Variants in GRIK1 observed in about 807,000 individuals in gnomAD.
GRIK1 encodes the protein glutamate receptor ionotropic, kainate 1.
A neutral mutation model predicts 105.7 loss-of-function variants in GRIK1; 69 were observed. That is an observed-to-expected ratio of 0.65 (90% CI 0.54 to 0.80). The LOEUF is 0.80. GRIK1 is among the 30% of genes least tolerant of loss of function. The probability of loss-of-function intolerance (pLI) is 0.00; values close to 1 mark genes in which losing one functional copy is unlikely to be tolerated. For synonymous variants in GRIK1, 438 were observed against 431.3 expected (o/e 1.02, Z -0.19); for missense variants, 1,109 against 1,167.3 (o/e 0.95, Z 0.73).
chr21:29,563,071 CATT>C (rs1222615214), intron 14 of GRIK1, among the ~76,000 whole-genome samples: 1 of 151,846 alleles, frequency 6.6e-6, no homozygotes, highest in African/African-American at 2.4e-5. Context: ...AGATGAAAAA[CATT>C]ATGGGAATTA....
At position 29,537,353 on chromosome 21, in the gene GRIK1, C is replaced by T. The variant is rs2089895854; in HGVS notation, c.2727G>A (p.Leu909=). The change falls in exon 18 of 18, where the codon CTG becomes CTA. Residue 909 remains leucine (L), a synonymous_variant. Coordinates refer to ENST00000327783, the MANE Select transcript of GRIK1 (RefSeq NM_001330994.2). ...CLSFNAIMEE[L]GISLKNQKKI... is the part of the protein sequence containing the mutation. Reference sequence around the variant, plus strand: ...TTTTCTGATTCTTCAGTGAGATTCCCAGTTCTTCCATGATAGCGTTGAAAG... The same window carrying T: ...TTTTCTGATTCTTCAGTGAGATTCCTAGTTCTTCCATGATAGCGTTGAAAG... 1 of 1,610,810 alleles carries T rather than the reference C, an allele frequency of 6.2e-7. No individual in the cohort carries two copies. Among genetic ancestry groups the T allele is most frequent in the Non-Finnish European group, 8.5e-7 (1 of 1,178,124 alleles).
rs190802047 is a variant in GRIK1 at position 29,642,029 on chromosome 21, T to G, written c.1098+797A>C. Among the ~76,000 whole-genome samples, 36 of 152,296 alleles carry G rather than the reference T, an allele frequency of 2.4e-4. 1 individual carries two copies. In the East Asian group the frequency reaches 6.2e-3, roughly 26 times the overall value. ...AATGTCTGTATCCCATAGAGAAATA[T>G]TAGAATAGCATCTCAGAGCATTGCG... On this transcript the variant is annotated intron_variant, in intron 7 of 17. Transcript: ENST00000327783.
At chr21:29,634,183 C>T (rs143513094) in intron 7 of GRIK1, among the ~76,000 whole-genome samples, 19 of 152,298 alleles carry the variant, frequency 1.2e-4, no homozygotes, top group African/African-American at 4.6e-4. Context: ...ATATTAAGCA[C>T]AGGTAGGTGC....
chr21:29,716,811 T>C (rs1350955447), intron 1 of GRIK1, among the ~76,000 whole-genome samples: 1 of 152,158 alleles, frequency 6.6e-6, no homozygotes, highest in African/African-American at 2.4e-5. Context: ...CTGCAGAAAT[T>C]TGAATCAGTA....
chr21:29,855,088 C>T (rs1237728266), intron 1 of GRIK1, among the ~76,000 whole-genome samples: 1 of 152,168 alleles, frequency 6.6e-6, no homozygotes, highest in Non-Finnish European at 1.5e-5. Context: ...TGAACTTGGG[C>T]TCTAGATCTG....
rs762792023 is a variant in GRIK1, at chr21:29,596,544, C to T, written c.1233G>A (p.Leu411=). The T allele has an allele frequency of 6.2e-7, 1 of 1,608,892 alleles. No homozygotes were observed. The highest frequency in any genetic ancestry group is 1.7e-5 in the Admixed American group (1 of 60,014). ...TACAAACCTTCTTCCACACTTTATA[C>T]AAGTGTTTAGACACTTCGCCAGCAG... ...EKAAGEVSKH[L]YKVWKKIGIW... is the part of the protein sequence containing the mutation. The change falls in exon 9 of 18, where the codon TTG becomes TTA. Residue 411 remains leucine (L), a synonymous_variant. Coordinates refer to ENST00000327783, the MANE Select transcript of GRIK1 (RefSeq NM_001330994.2).
intron 3 of GRIK1, among the ~76,000 whole-genome samples, chr21:29,677,465 T>A (rs537765260): frequency 6.6e-6 from 1 of 152,250 alleles, no homozygotes; most frequent in East Asian, 1.9e-4. Flanking sequence ...AAATGGCCAA[T>A]TCTAAACACT....
At chr21:29,622,081 G>C (rs1282607623) in intron 7 of GRIK1, among the ~76,000 whole-genome samples, 1 of 151,882 alleles carries the variant, frequency 6.6e-6, no homozygotes, top group Non-Finnish European at 1.5e-5. Context: ...TGAGTAGCTG[G>C]GATTACAGGT....
chr21:29,728,670 C>T (rs897708110), intron 1 of GRIK1, among the ~76,000 whole-genome samples: 3 of 152,182 alleles, frequency 2.0e-5, no homozygotes, highest in Middle Eastern at 3.2e-3. Flanking sequence ...AACTGATGGA[C>T]GTTCACCATG....
rs554442415 is a variant in GRIK1, at chr21:29,576,046, T to C, written c.2130+918A>G. Among the ~76,000 whole-genome samples, 159 of 152,120 alleles carry C rather than the reference T, an allele frequency of 1.0e-3. 5 individuals are homozygous for C. In the South Asian group the frequency reaches 0.027, roughly 26 times the overall value. On this transcript the variant is annotated intron_variant, in intron 14 of 17. Coordinates refer to ENST00000327783, the MANE Select transcript of GRIK1 (RefSeq NM_001330994.2). Reference sequence around the variant, plus strand: ...TTACCACCATTAATACTTTTTTTTTTCCCAAAAAAAACTTTAGCCCCTTCT... The same window carrying C: ...TTACCACCATTAATACTTTTTTTTTCCCCAAAAAAAACTTTAGCCCCTTCT...
chr21:29,702,721 C>A (rs2063836036), intron 1 of GRIK1, among the ~76,000 whole-genome samples: 1 of 152,030 alleles, frequency 6.6e-6, no homozygotes, highest in South Asian at 2.1e-4. Flanking sequence ...AAAAAACAAA[C>A]AAGAAAACAA....
chr21:29,798,723 C>T (rs984173100), intron 1 of GRIK1, among the ~76,000 whole-genome samples: 1 of 152,170 alleles, frequency 6.6e-6, no homozygotes, highest in East Asian at 1.9e-4. Flanking sequence ...CCAAATACTC[C>T]TCGGCATGTC....
chr21:29,675,738 C>A (rs1302534058), intron 3 of GRIK1, among the ~76,000 whole-genome samples: 1 of 152,118 alleles, frequency 6.6e-6, no homozygotes, highest in African/African-American at 2.4e-5. Context: ...TCAATTACCA[C>A]TTAATTTTAC....
At chr21:29,890,783 G>A (rs796197650) in intron 1 of GRIK1, among the ~76,000 whole-genome samples, 4 of 152,030 alleles carry the variant, frequency 2.6e-5, no homozygotes, top group Non-Finnish European at 4.4e-5. Context: ...ACATAGACAC[G>A]CACACTCATA....
chr21:29,571,372 A>T (rs1365570284), intron 14 of GRIK1, among the ~76,000 whole-genome samples: 1 of 152,096 alleles, frequency 6.6e-6, no homozygotes, highest in Non-Finnish European at 1.5e-5. Flanking sequence ...AAAGAAAAAA[A>T]AAATTCCACT....
At chr21:29,905,530 C>T (rs1039390367) in intron 1 of GRIK1, among the ~76,000 whole-genome samples, 3 of 151,234 alleles carry the variant, frequency 2.0e-5, no homozygotes, top group Admixed American at 1.3e-4. Flanking sequence ...TCTGCAACCT[C>T]CGTCTCCTGG....
At chr21:29,685,750 A>G (rs2063475741) in intron 3 of GRIK1, among the ~76,000 whole-genome samples, 1 of 152,172 alleles carries the variant, frequency 6.6e-6, no homozygotes, top group Admixed American at 6.5e-5. Flanking sequence ...CTTTGAACTG[A>G]AAAAGACTGG....
At position 29,606,665 on chromosome 21, in the gene GRIK1, A is replaced by AAAAAC. The variant is rs72368755; in HGVS notation, c.1099-7733_1099-7729dup. On this transcript the variant is annotated intron_variant, in intron 7 of 17. Transcript: ENST00000327783. The stretch of plus-strand genomic sequence containing the variant: ...TTTAAGCTCAGAAACATCTTTTTTT[A>AAAAAC]AAAACAAAACAAAACAAAACAAAAC... 9.0e-4 allele frequency among the ~76,000 whole-genome samples: 135 copies of AAAAAC among 149,984 alleles called. 1 individual carries two copies. The highest frequency in any genetic ancestry group is 5.7e-3 in the East Asian group (29 of 5,054).
chr21:29,851,274 C>T lies in GRIK1; in HGVS notation c.118+88109G>A, dbSNP rs1278252995. On this transcript the variant is annotated intron_variant, in intron 1 of 17. Coordinates refer to ENST00000327783, the MANE Select transcript of GRIK1 (RefSeq NM_001330994.2). Reference sequence around the variant, plus strand: ...TTCACCACGTTGGCCAGGCTGGTCTCGAACTCCTGACCTCAAGTGATCCGC... The same window carrying T: ...TTCACCACGTTGGCCAGGCTGGTCTTGAACTCCTGACCTCAAGTGATCCGC... Among the ~76,000 whole-genome samples the T allele has an allele frequency of 3.3e-5, 5 of 152,136 alleles. No individual in the cohort carries two copies. In the East Asian group the frequency reaches 5.8e-4, roughly 18 times the overall value.
Sources: gnomAD v4.1 joint callset for allele counts (sites outside exome capture counted in the v4.1 genomes callset) on GRCh38, gnomAD v4.1.1 for gene constraint, MANE v1.5 for transcripts, NCBI Gene and HGNC (gene_info 2026-07-23, HGNC 2026-07-21) for gene names.